CNTN5: variants seen among roughly 807,000 people sequenced by gnomAD.
The protein encoded by CNTN5 is contactin 5, also known as contactin-5.
A neutral mutation model predicts 129.1 loss-of-function variants in CNTN5; 77 were observed. The ratio of observed to expected loss-of-function variants is 0.60; its 90% CI spans 0.50 to 0.72. CNTN5 has a LOEUF of 0.72. Among genes scored for constraint, CNTN5 ranks in the 30% least tolerant of loss-of-function variants. The pLI is 0.00. For missense variants in CNTN5, 1,478 were observed against 1,328.8 expected (o/e 1.11, Z -1.75); for synonymous variants, 509 against 465.6 (o/e 1.09, Z -1.20).
intron 3 of CNTN5, among the ~76,000 whole-genome samples, chr11:99,609,654 C>T (rs574739700): frequency 2.6e-5 from 4 of 152,070 alleles, no homozygotes; most frequent in Non-Finnish European, 5.9e-5. Flanking sequence ...AACAGATTCT[C>T]AGGCTCATTC....
At chr11:99,120,764 C>T (rs1310724854) in intron 1 of CNTN5, among the ~76,000 whole-genome samples, 4 of 151,984 alleles carry the variant, frequency 2.6e-5, no homozygotes, top group Admixed American at 6.6e-5. Flanking sequence ...TTGCATAGTT[C>T]GAGTCACAGA....
Position 99,312,181 on chromosome 11 carries a change from A to G in CNTN5, c.-209-13165A>G, listed in dbSNP as rs71474515. Among the ~76,000 whole-genome samples the G allele has an allele frequency of 3.3e-5, 5 of 152,326 alleles. No individual in the cohort carries two copies. In the East Asian group the frequency reaches 9.6e-4, roughly 29 times the overall value. ...CCAACAACAAAGCAAAACAAAAAAT[A>G]AATTAAATAATACATAAACAATTTT... is the stretch of plus-strand genomic sequence containing the variant. On this transcript the variant is annotated intron_variant, in intron 1 of 24. Coordinates refer to ENST00000524871, the MANE Select transcript of CNTN5 (RefSeq NM_014361.4).
intron 1 of CNTN5, among the ~76,000 whole-genome samples, chr11:99,197,374 T>G (rs1416630533): frequency 6.6e-6 from 1 of 152,024 alleles, no homozygotes; most frequent in African/African-American, 2.4e-5. Context: ...ACCCAACTCT[T>G]AGGATCTGTT....
intron 4 of CNTN5, among the ~76,000 whole-genome samples, chr11:99,837,002 G>A (rs548112668): frequency 4.9e-4 from 74 of 152,192 alleles, no homozygotes; most frequent in Admixed American, 1.8e-3. Flanking sequence ...TTGTTTTGGT[G>A]GATTTTGGCT....
At chr11:99,875,129 T>C (rs1166205745) in intron 6 of CNTN5, among the ~76,000 whole-genome samples, 1 of 152,200 alleles carries the variant, frequency 6.6e-6, no homozygotes, top group Non-Finnish European at 1.5e-5. Context: ...TCTTAATCTT[T>C]TCTGAACATC....
chr11:99,177,768 TG>T (rs1372764074), intron 1 of CNTN5, among the ~76,000 whole-genome samples: 2 of 152,170 alleles, frequency 1.3e-5, no homozygotes, highest in East Asian at 1.9e-4. Context: ...TCCAGAGGCC[TG>T]GGGGCTGTTT....
intron 6 of CNTN5, among the ~76,000 whole-genome samples, chr11:99,881,854 G>A (rs79421668): frequency 0.039 from 5,904 of 152,262 alleles, 199 homozygotes; most frequent in East Asian, 0.16. Flanking sequence ...GCACAGTATT[G>A]TCTGATAACA....
intron 2 of CNTN5, among the ~76,000 whole-genome samples, chr11:99,430,965 CA>C (rs1477626359): frequency 3.5e-5 from 5 of 144,226 alleles, no homozygotes; most frequent in East Asian, 2.0e-4. Flanking sequence ...ATCAAGTAGC[CA>C]AAAAAAAATT....
chr11:99,078,256 C>T (rs2135272591), intron 1 of CNTN5, among the ~76,000 whole-genome samples: 1 of 152,228 alleles, frequency 6.6e-6, no homozygotes, highest in Admixed American at 6.5e-5. Flanking sequence ...ATTAAGCATA[C>T]TACTTGCAGA....
chr11:100,049,385 T>C (rs372636781), intron 9 of CNTN5, among the ~76,000 whole-genome samples: 6 of 151,962 alleles, frequency 3.9e-5, no homozygotes, highest in African/African-American at 1.4e-4. Context: ...AAAGGCTGTA[T>C]TAAATAAACT....
At chr11:99,506,304 A>T (rs1479294034) in intron 2 of CNTN5, among the ~76,000 whole-genome samples, 1 of 152,198 alleles carries the variant, frequency 6.6e-6, no homozygotes, top group African/African-American at 2.4e-5. Context: ...AAAGAAAAAA[A>T]TGTTCTCTCT....
At chr11:99,478,964 G>T (rs1591131249) in intron 2 of CNTN5, among the ~76,000 whole-genome samples, 1 of 151,932 alleles carries the variant, frequency 6.6e-6, no homozygotes, top group East Asian at 1.9e-4. Flanking sequence ...AATTGTGTTT[G>T]GGATTTCTTT....
At chr11:99,744,543 T>TAAAAAAAAAAAAAAA (rs553540845) in intron 3 of CNTN5, among the ~76,000 whole-genome samples, 1 of 37,478 alleles carries the variant, frequency 2.7e-5, no homozygotes, top group African/African-American at 1.1e-4. Flanking sequence ...TACAAAAAGT[T>TAAAAAAAAAAAAAAA]AAAAAAAAAA....
intron 9 of CNTN5, among the ~76,000 whole-genome samples, chr11:100,049,953 A>G (rs1200172031): frequency 1.3e-5 from 2 of 152,180 alleles, no homozygotes; most frequent in African/African-American, 2.4e-5. Context: ...TAGAATGGCA[A>G]TCATTAAAAA....
intron 20 of CNTN5, among the ~76,000 whole-genome samples, chr11:100,300,130 A>G (rs981759969): frequency 2.0e-5 from 3 of 151,456 alleles, no homozygotes; most frequent in African/African-American, 7.3e-5. Flanking sequence ...CAATATACCT[A>G]TTTTACAGAT....
chr11:100,286,113 G>A (rs1416822900), intron 18 of CNTN5, among the ~76,000 whole-genome samples: 8 of 152,200 alleles, frequency 5.3e-5, no homozygotes, highest in African/African-American at 1.2e-4. Flanking sequence ...CTACGCCCAC[G>A]GAGTCTCGCT....
intron 2 of CNTN5, among the ~76,000 whole-genome samples, chr11:99,495,702 A>C (rs1317245523): frequency 1.3e-5 from 2 of 152,174 alleles, no homozygotes; most frequent in Admixed American, 1.3e-4. Flanking sequence ...TAAAAAAGCC[A>C]CTTTGATAGC....
chr11:99,560,076 G>T (rs1031938394), intron 3 of CNTN5, among the ~76,000 whole-genome samples: 1 of 152,092 alleles, frequency 6.6e-6, no homozygotes, highest in Non-Finnish European at 1.5e-5. Context: ...ATGAAGCAAA[G>T]GACATTTTTT....
chr11:100,328,010 A>C (rs1315872375), intron 21 of CNTN5, among the ~76,000 whole-genome samples: 1 of 152,114 alleles, frequency 6.6e-6, no homozygotes, highest in East Asian at 1.9e-4. Flanking sequence ...GTACAATTAA[A>C]GGTATAGAAG....
Sources: gnomAD v4.1 joint callset for allele counts (sites outside exome capture counted in the v4.1 genomes callset) on GRCh38, gnomAD v4.1.1 for gene constraint, MANE v1.5 for transcripts, NCBI Gene and HGNC (gene_info 2026-07-23, HGNC 2026-07-21) for gene names.